The following RHOJ variants were observed in gnomAD, a reference collection of about 807,000 sequenced individuals.
The protein encoded by RHOJ is rho-related GTP-binding protein RhoJ.
Under a neutral mutation model 23.4 loss-of-function variants are expected in RHOJ, and 11 were observed. The observed-to-expected ratio is 0.47, with a 90% CI of 0.30 to 0.78. The LOEUF (loss-of-function observed/expected upper bound fraction) is 0.78, where lower values mean the gene tolerates loss of function less well. RHOJ is among the 30% of genes least tolerant of loss of function. RHOJ has a pLI of 0.08. For missense variants in RHOJ, 254 were observed against 273.4 expected, an observed-to-expected ratio of 0.93 and a Z score of 0.50; for synonymous variants, 102 against 102.7, an observed-to-expected ratio of 0.99 and a Z score of 0.04.
In RHOJ at chr14:63,204,816, A is replaced by G; in HGVS notation, c.-54A>G. 1 of 1,547,772 alleles carries G rather than the reference A, an allele frequency of 6.5e-7. No individual in the cohort carries two copies. The highest frequency in any genetic ancestry group is 1.2e-5 in the South Asian group (1 of 85,110). ...CTTTCTGCCGCTTCATGTGCTTTGG[A>G]AAAAGCAGGAGAAGCAATAGCAGCA... On this transcript the variant is annotated 5_prime_UTR_variant, in exon 1 of 5. Transcript: ENST00000316754.
chr14:63,223,449 CA>C lies in RHOJ; in HGVS notation c.178+18406del, dbSNP rs1219304472. Among the ~76,000 whole-genome samples the C allele has an allele frequency of 5.3e-5, 8 of 152,286 alleles. No homozygotes were observed. The East Asian group carries it at 1.5e-3, about 29-fold the overall frequency. On this transcript the variant is annotated intron_variant, in intron 1 of 4. Transcript: ENST00000316754. ...CAGGATCTACAAGTTGAGTATTGCC[CA>C]AAACTCCATTCTCTCATCCCCCTGT...
At chr14:63,264,905 T>A (rs528911125) in intron 1 of RHOJ, among the ~76,000 whole-genome samples, 4 of 152,350 alleles carry the variant, frequency 2.6e-5, no homozygotes, top group African/African-American at 9.6e-5. Context: ...AGATTCTGAA[T>A]ATTATACCTC....
At chr14:63,290,397 C>T (rs1319928246) in intron 4 of RHOJ, among the ~76,000 whole-genome samples, 1 of 152,168 alleles carries the variant, frequency 6.6e-6, no homozygotes, top group Non-Finnish European at 1.5e-5. Flanking sequence ...ACCAAGCTGA[C>T]ACTTTGCCTT....
chr14:63,248,627 A>G (rs1594764761), intron 1 of RHOJ, among the ~76,000 whole-genome samples: 1 of 152,170 alleles, frequency 6.6e-6, no homozygotes, highest in Non-Finnish European at 1.5e-5. Context: ...ATTTCCTAAC[A>G]TTGCTGTCTT....
intron 1 of RHOJ, among the ~76,000 whole-genome samples, chr14:63,206,051 A>G (rs934652515): frequency 2.0e-5 from 3 of 152,170 alleles, no homozygotes; most frequent in Admixed American, 2.0e-4. Context: ...AGGTTCAACA[A>G]AGGGGAAATG....
intron 2 of RHOJ, among the ~76,000 whole-genome samples, chr14:63,270,626 G>A (rs1594773638): frequency 6.6e-6 from 1 of 152,222 alleles, no homozygotes; most frequent in African/African-American, 2.4e-5. Context: ...GGAGGCCAAA[G>A]TTGCCTGCTC....
Position 63,233,115 on chromosome 14 carries a change from G to T in RHOJ, c.178+28068G>T, listed in dbSNP as rs529905006. On this transcript the variant is annotated intron_variant, in intron 1 of 4. Transcript: ENST00000316754. ...GGAGAATGTGAGGATCATGGGAAGT[G>T]GTATGTAAAAAGAAATGGAAAAGTT... 3.9e-5 allele frequency among the ~76,000 whole-genome samples: 6 copies of T among 152,206 alleles called. No homozygotes were observed. In the East Asian group the frequency reaches 9.6e-4, roughly 24 times the overall value.
chr14:63,230,394 C>T (rs1894669056), intron 1 of RHOJ, among the ~76,000 whole-genome samples: 1 of 151,912 alleles, frequency 6.6e-6, no homozygotes, highest in Admixed American at 6.6e-5. Flanking sequence ...AAGTTCTTTC[C>T]TTCCTTTCTT....
chr14:63,291,213 G>A lies in RHOJ; in HGVS notation c.*189G>A. ...GCCCACTGCCACGACCTCCCTGCCAGCCAGAAGCATCCGTACTGCACGCTG... is the reference window on the plus strand; with the variant it reads ...GCCCACTGCCACGACCTCCCTGCCAACCAGAAGCATCCGTACTGCACGCTG... On this transcript the variant is annotated 3_prime_UTR_variant, in exon 5 of 5. Transcript: ENST00000316754. The A allele has an allele frequency of 1.5e-6, 1 of 672,892 alleles. No homozygotes were observed. The highest frequency in any genetic ancestry group is 2.7e-6 in the Non-Finnish European group (1 of 375,052). 41.7% of individuals were successfully genotyped at this position (672,892 alleles called of 1,614,324 possible).
intron 1 of RHOJ, among the ~76,000 whole-genome samples, chr14:63,219,000 T>C (rs1000729069): frequency 5.3e-5 from 8 of 152,204 alleles, no homozygotes; most frequent in Admixed American, 1.3e-4. Context: ...TAAATAGATA[T>C]ATCGCTTCAA....
chr14:63,248,922 A>C (rs539898077), intron 1 of RHOJ, among the ~76,000 whole-genome samples: 1 of 152,168 alleles, frequency 6.6e-6, no homozygotes, highest in East Asian at 1.9e-4. Context: ...ACCATTCCCC[A>C]CTTCCCCCGC....
intron 2 of RHOJ, among the ~76,000 whole-genome samples, chr14:63,270,264 G>C (rs901318015): frequency 1.0e-4 from 15 of 148,650 alleles, no homozygotes; most frequent in African/African-American, 3.8e-4. Flanking sequence ...AATTCTCTTT[G>C]GGGATTTCTG....
intron 1 of RHOJ, among the ~76,000 whole-genome samples, chr14:63,236,574 C>G (rs1401273669): frequency 1.3e-5 from 2 of 152,072 alleles, no homozygotes; most frequent in Admixed American, 6.5e-5. Context: ...AAAACCTGCC[C>G]CCATGATTCA....
chr14:63,244,578 AAAAC>A (rs1317929028), intron 1 of RHOJ, among the ~76,000 whole-genome samples: 1 of 152,174 alleles, frequency 6.6e-6, no homozygotes, highest in Admixed American at 6.5e-5. Flanking sequence ...AACTCTGTCT[AAAAC>A]AAAACAAAAA....
chr14:63,271,907 G>A (rs1278230334), intron 2 of RHOJ, among the ~76,000 whole-genome samples: 1 of 152,108 alleles, frequency 6.6e-6, no homozygotes, highest in African/African-American at 2.4e-5. Context: ...TTTCTAACAG[G>A]TTTTCTGGCA....
chr14:63,237,511 C>T (rs1894810899), intron 1 of RHOJ, among the ~76,000 whole-genome samples: 1 of 152,126 alleles, frequency 6.6e-6, no homozygotes, highest in Non-Finnish European at 1.5e-5. Context: ...TTTCTAAAAT[C>T]TTCCTAGCTT....
intron 1 of RHOJ, among the ~76,000 whole-genome samples, chr14:63,217,885 G>A (rs904155717): frequency 1.3e-5 from 2 of 152,132 alleles, no homozygotes; most frequent in African/African-American, 2.4e-5. Context: ...ACTTTTTGGT[G>A]GGAATAGATA....
chr14:63,292,434 T>A lies in RHOJ; in HGVS notation c.*1410T>A, dbSNP rs117481053. On this transcript the variant is annotated 3_prime_UTR_variant, in exon 5 of 5. Transcript: ENST00000316754. ...GTATCATAGAGCGAATTACTTCCTA[T>A]CTTTTCATTAGAGGCTATGAGGACT... 1.3e-5 allele frequency: 2 copies of A among 152,348 alleles called. No homozygotes were observed. Among genetic ancestry groups the A allele is most frequent in the Non-Finnish European group, 2.9e-5 (2 of 68,028 alleles). The allele number at this position is 152,348 out of a possible 1,614,324, so 9.4% of individuals were successfully genotyped here. A position where few individuals can be genotyped will look rare whatever the true frequency, so the allele number is the denominator to read the frequency against.
At chr14:63,232,723 G>T (rs1318143159) in intron 1 of RHOJ, among the ~76,000 whole-genome samples, 3 of 140,556 alleles carry the variant, frequency 2.1e-5, no homozygotes, top group Admixed American at 7.2e-5. Flanking sequence ...TTGAGACAGG[G>T]TCTCACTCTG....
Sources: allele counts gnomAD v4.1 joint callset (sites outside exome capture counted in the v4.1 genomes callset), GRCh38; gene constraint gnomAD v4.1.1; transcripts MANE v1.5; gene names NCBI Gene and HGNC (gene_info 2026-07-23, HGNC 2026-07-21).